The following KIF17 variants were observed in gnomAD, a reference collection of about 807,000 sequenced individuals.
KIF17 encodes the protein kinesin family member 17.
KIF17 carries 80 observed loss-of-function variants against 96.8 expected under a neutral mutation model. The ratio of observed to expected loss-of-function variants is 0.83; its 90% CI spans 0.69 to 1.00. The LOEUF (loss-of-function observed/expected upper bound fraction) is 1.00. Ranked by LOEUF, KIF17 falls within the 50% of genes least tolerant of loss-of-function variation. The pLI is 0.00. For missense variants in KIF17, 1,280 were observed against 1,372.9 expected (o/e 0.93, Z 1.07); for synonymous variants, 567 against 587.5 (o/e 0.97, Z 0.51).
chr1:20,701,830 C>T (rs1484474222), intron 5 of KIF17, among the ~76,000 whole-genome samples: 1 of 152,168 alleles, frequency 6.6e-6, no homozygotes, highest in African/African-American at 2.4e-5. Context: ...AGGACAGGGC[C>T]TGCCTGGGTA....
At chr1:20,707,843 AAT>A in intron 4 of KIF17, among the ~76,000 whole-genome samples, 1 of 138,644 alleles carries the variant, frequency 7.2e-6, no homozygotes, top group East Asian at 2.0e-4. Flanking sequence ...GTGTATAAAA[AAT>A]ATATATGTAT....
intron 5 of KIF17, among the ~76,000 whole-genome samples, chr1:20,701,552 G>A (rs1457215988): frequency 6.6e-6 from 1 of 152,248 alleles, no homozygotes. Flanking sequence ...AGCGAGTGCA[G>A]AGAGAGGACA....
chr1:20,701,221 C>T (rs180759627), intron 5 of KIF17, among the ~76,000 whole-genome samples: 108 of 152,226 alleles, frequency 7.1e-4, no homozygotes, highest in Non-Finnish European at 1.2e-3. Context: ...ATCACGAGGT[C>T]CTGATTGAGA....
At chr1:20,662,167 TGGGA>T (rs937991621), downstream of KIF17, among the ~76,000 whole-genome samples, 5 of 152,240 alleles carry the variant, frequency 3.3e-5, no homozygotes, top group Non-Finnish European at 7.3e-5. Flanking sequence ...TCTGGGCTCT[TGGGA>T]GGAACATGGC....
intron 6 of KIF17, among the ~76,000 whole-genome samples, chr1:20,696,902 G>A (rs758881570): frequency 7.9e-5 from 12 of 152,170 alleles, no homozygotes; most frequent in Non-Finnish European, 1.3e-4. Flanking sequence ...AGAGCTACAG[G>A]AAGGGACCTG....
intron 10 of KIF17, among the ~76,000 whole-genome samples, chr1:20,684,510 C>G (rs927073858): frequency 3.3e-5 from 5 of 152,200 alleles, no homozygotes; most frequent in African/African-American, 9.6e-5. Context: ...CAGGAGGGCA[C>G]TGGAGGCCAG....
At chr1:20,676,568 C>T (rs766393891) in intron 11 of KIF17, among the ~76,000 whole-genome samples, 54 of 152,262 alleles carry the variant, frequency 3.5e-4, no homozygotes, top group Non-Finnish European at 5.7e-4. Context: ...CAGTGGCTCA[C>T]GCCTGTAATC....
At position 20,690,248 on chromosome 1, in the gene KIF17, T is replaced by C. The variant is rs1317971715; in HGVS notation, c.1321A>G (p.Met441Val). The change falls in exon 7 of 15, where the codon ATG becomes GTG. Residue 441 changes from methionine (M) to valine (V), a missense_variant. Coordinates refer to ENST00000400463, the MANE Select transcript of KIF17 (RefSeq NM_001122819.3). Reference sequence around the variant, plus strand: ...AGCCTGACGTCATATGAGTTGCGCATGGCAGTGATGTCTTCCTCCAGCCTG... The same window carrying C: ...AGCCTGACGTCATATGAGTTGCGCACGGCAGTGATGTCTTCCTCCAGCCTG... Reference protein sequence around the residue: ...RARLEEDITAMRNSYDVRLST... With the variant: ...RARLEEDITAVRNSYDVRLST... 1.3e-6 allele frequency: 2 copies of C among 1,564,446 alleles called. No homozygotes were observed. The highest frequency in any genetic ancestry group is 1.4e-5 in the African/African-American group (1 of 69,538).
In KIF17 at chr1:20,672,059, CAG is replaced by C. The variant is rs572054403; in HGVS notation, c.2599_2600del (p.Leu867AspfsTer6). 1.8e-4 allele frequency: 297 copies of C among 1,614,194 alleles called. 1 individual carries two copies. In the South Asian group the frequency reaches 2.8e-3, roughly 15 times the overall value. On this transcript the variant is annotated frameshift_variant, in exon 12 of 15. Coordinates refer to ENST00000400463, the MANE Select transcript of KIF17 (RefSeq NM_001122819.3). LOFTEE classifies it high-confidence loss of function. This position sits in a 1 kb window ranked among gnomAD's most constrained non-coding sequence, Gnocchi z 4.3. ...TGCTGTAGTTACAGTCCCTGCGAAT[CAG>C]GGGCTGCACCTGCTCCAGGAGCTGC... ...LQQLLEQVQP[L>X]IRRDCNYSNL...
At position 20,704,524 on chromosome 1, in the gene KIF17, A is replaced by G; in HGVS notation, c.1046T>C (p.Leu349Pro). The change falls in exon 5 of 15, where the codon CTG (leucine) becomes CCG (proline). Residue 349 changes from leucine to proline, a missense_variant. Physicochemically the swap from Leu to Pro is moderately conservative, Grantham distance 98. Coordinates refer to ENST00000400463, the MANE Select transcript of KIF17 (RefSeq NM_001122819.3). This position sits in a 1 kb window ranked among gnomAD's most constrained non-coding sequence, Gnocchi z 6.8. ...PRINEDPKDA[L>P]LREYQEEIKK... Reference sequence around the variant, plus strand: ...GATCTCCTCCTGGTACTCGCGAAGCAGCGCATCCTTGGGGTCCTCATTGAT... The same window carrying G: ...GATCTCCTCCTGGTACTCGCGAAGCGGCGCATCCTTGGGGTCCTCATTGAT... 2 of 1,614,218 alleles carry G rather than the reference A, an allele frequency of 1.2e-6. No homozygotes were observed. Among genetic ancestry groups the G allele is most frequent in the Non-Finnish European group, 1.7e-6 (2 of 1,180,024 alleles).
At chr1:20,690,404 T>C (rs1215764369) in intron 6 of KIF17, 69 bp from the exon 7 acceptor site, 1 of 1,492,022 alleles carries the variant, frequency 6.7e-7, no homozygotes, top group East Asian at 2.3e-5. Context: ...GCTTTCAGTA[T>C]TCCTTTTTGG....
At position 20,709,688 on chromosome 1, in the gene KIF17, G is replaced by C. The variant is rs759512661; in HGVS notation, c.621C>G (p.Ser207=). Reference sequence around the variant, plus strand: ...TGGTGAAGATGGAGTGCGAGCGTGAGGAATCCTTGTTCATCAGCGTGTAGC... The same window carrying C: ...TGGTGAAGATGGAGTGCGAGCGTGACGAATCCTTGTTCATCAGCGTGTAGC... ...SVGYTLMNKD[S]SRSHSIFTIS... The change falls in exon 4 of 15, where the codon TCC becomes TCG. Residue 207 remains serine, a synonymous_variant. Transcript: ENST00000400463. This position sits in a 1 kb window ranked among gnomAD's most constrained non-coding sequence, Gnocchi z 4.7. The C allele has an allele frequency of 5.6e-6, 9 of 1,614,028 alleles. No homozygotes were observed. The African/African-American group carries it at 9.3e-5, about 17-fold the overall frequency.
Position 20,704,423 on chromosome 1 carries a change from G to A in KIF17, c.1123+24C>T, listed in dbSNP as rs12041185. ...TTTCTCCTGGGGACCTGGCCCTCCC[G>A]CCACTACCCCAACGTGGTCCCACCT... On this transcript the variant is annotated intron_variant, in intron 5 of 14. Coordinates refer to ENST00000400463, the MANE Select transcript of KIF17 (RefSeq NM_001122819.3). The surrounding 1 kb of genome is among the most constrained non-coding windows in gnomAD (Gnocchi z 6.8). 111,585 of 1,598,154 alleles carry A rather than the reference G, an allele frequency of 0.07. 7,225 individuals carry two copies. The highest frequency in any genetic ancestry group is 0.34 in the East Asian group (15,212 of 44,500).
At chr1:20,703,499 C>CATGGATGGATGGATGG (rs200289845) in intron 5 of KIF17, among the ~76,000 whole-genome samples, 1,779 of 145,158 alleles carry the variant, frequency 0.012, 16 homozygotes, top group Middle Eastern at 0.035. Context: ...TGGATGGATG[C>CATGGATGGATGGATGG]ATGGATGGAT....
At chr1:20,691,598 T>C (rs2054039886) in intron 6 of KIF17, among the ~76,000 whole-genome samples, 1 of 150,974 alleles carries the variant, frequency 6.6e-6, no homozygotes, top group African/African-American at 2.4e-5. Context: ...GGATTACAGT[T>C]CAGTTGTCCA....
intron 6 of KIF17, among the ~76,000 whole-genome samples, chr1:20,696,992 G>A (rs562797087): frequency 6.6e-6 from 1 of 152,324 alleles, no homozygotes; most frequent in East Asian, 1.9e-4. Flanking sequence ...GGCGGACGGC[G>A]TTCACTGGGG....
rs1348464382 is a variant in KIF17 at position 20,709,519 on chromosome 1, C to T, written c.670+120G>A. On this transcript the variant is annotated intron_variant, in intron 4 of 14. Coordinates refer to ENST00000400463, the MANE Select transcript of KIF17 (RefSeq NM_001122819.3). The surrounding 1 kb of genome is among the most constrained non-coding windows in gnomAD (Gnocchi z 4.7). ...AGGGTCCTCTTGGGTTTCCTCCAGGCTGTTAGAGCATCTCTTCCCACTTTC... is the reference window on the plus strand; with the variant it reads ...AGGGTCCTCTTGGGTTTCCTCCAGGTTGTTAGAGCATCTCTTCCCACTTTC... The T allele has an allele frequency of 2.7e-6, 3 of 1,092,894 alleles. No individual in the cohort carries two copies. In the East Asian group the frequency reaches 7.4e-5, roughly 27 times the overall value. 67.7% of individuals were successfully genotyped at this position (1,092,894 alleles called of 1,614,324 possible).
chr1:20,709,600 G>A lies in KIF17; in HGVS notation c.670+39C>T. 1.2e-6 allele frequency: 2 copies of A among 1,611,256 alleles called. No individual in the cohort carries two copies. Among genetic ancestry groups the A allele is most frequent in the Non-Finnish European group, 1.7e-6 (2 of 1,177,994 alleles). On this transcript the variant is annotated intron_variant, in intron 4 of 14. Coordinates refer to ENST00000400463, the MANE Select transcript of KIF17 (RefSeq NM_001122819.3). The surrounding 1 kb of genome is among the most constrained non-coding windows in gnomAD (Gnocchi z 4.7). ...TGCCTTGGCTAGTGGGAGTGGCTGG[G>A]TCATCTGTCCCCCTGCCCCCAACAA...
At chr1:20,686,015 C>T (rs1371717328) in intron 9 of KIF17, 31 bp downstream of exon 9, 1 of 1,514,180 alleles carries the variant, frequency 6.6e-7, no homozygotes, top group East Asian at 2.5e-5. Context: ...AGAACCCCGT[C>T]CCCCACATGG....
Sources: gnomAD v4.1 joint callset for allele counts (sites outside exome capture counted in the v4.1 genomes callset) on GRCh38, gnomAD v4.1.1 for gene constraint, Gnocchi (gnomAD v3.1) non-coding constraint, MANE v1.5 for transcripts, NCBI Gene and HGNC (gene_info 2026-07-23, HGNC 2026-07-21) for gene names.